Variants in ZNF804B observed in about 807,000 individuals in gnomAD.
The protein encoded by ZNF804B is zinc finger 804B.
In ZNF804B, 80 loss-of-function variants were observed where a neutral mutation model predicts 101.4. That is an observed-to-expected ratio of 0.79 (90% CI 0.66 to 0.95). ZNF804B has a LOEUF of 0.95. Ranked by LOEUF, ZNF804B falls within the 40% of genes least tolerant of loss-of-function variation. ZNF804B has a pLI of 0.00. For synonymous variants in ZNF804B, 622 were observed against 558.8 expected, an observed-to-expected ratio of 1.11 and a Z score of -1.59; for missense variants, 1,673 against 1,561.9, an observed-to-expected ratio of 1.07 and a Z score of -1.20.
intron 1 of ZNF804B, among the ~76,000 whole-genome samples, chr7:88,972,276 T>G (rs1194553066): frequency 4.6e-5 from 7 of 151,616 alleles, no homozygotes; most frequent in Non-Finnish European, 1.0e-4. Flanking sequence ...TCTACTCTTT[T>G]AAACTGTTTC....
At chr7:88,897,798 G>C (rs1466388071) in intron 1 of ZNF804B, among the ~76,000 whole-genome samples, 1 of 151,816 alleles carries the variant, frequency 6.6e-6, no homozygotes, top group Non-Finnish European at 1.5e-5. Flanking sequence ...GAGTTAAGCT[G>C]TCTCTATTGG....
At chr7:88,919,107 A>G (rs953654436) in intron 1 of ZNF804B, among the ~76,000 whole-genome samples, 3 of 152,078 alleles carry the variant, frequency 2.0e-5, no homozygotes, top group African/African-American at 7.2e-5. Flanking sequence ...TTAAAGCTAT[A>G]TGTTTAGATA....
At chr7:89,295,094 C>T (rs1012590840) in intron 2 of ZNF804B, among the ~76,000 whole-genome samples, 1 of 152,088 alleles carries the variant, frequency 6.6e-6, no homozygotes, top group Non-Finnish European at 1.5e-5. Flanking sequence ...GTTCAATATA[C>T]CTTTCCTGCC....
chr7:89,182,074 A>T (rs1330073964), intron 1 of ZNF804B, among the ~76,000 whole-genome samples: 1 of 152,208 alleles, frequency 6.6e-6, no homozygotes, highest in Non-Finnish European at 1.5e-5. Flanking sequence ...ATGACATTTA[A>T]TTCAAACAGT....
At chr7:89,186,047 T>C (rs1788370904) in intron 1 of ZNF804B, among the ~76,000 whole-genome samples, 1 of 152,110 alleles carries the variant, frequency 6.6e-6, no homozygotes, top group Admixed American at 6.6e-5. Context: ...TTGAAGTTGA[T>C]ACTTATATAG....
chr7:88,850,435 A>G (rs1049687244), intron 1 of ZNF804B, among the ~76,000 whole-genome samples: 1 of 152,144 alleles, frequency 6.6e-6, no homozygotes, highest in African/African-American at 2.4e-5. Context: ...TAGAGTTCTG[A>G]TCAGTGCGTG....
chr7:89,231,000 A>C (rs1789184182), intron 2 of ZNF804B, among the ~76,000 whole-genome samples: 1 of 152,070 alleles, frequency 6.6e-6, no homozygotes, highest in Non-Finnish European at 1.5e-5. Flanking sequence ...CAAATCCTTT[A>C]TGAGATACAA....
chr7:89,291,441 AT>A (rs1790290711), intron 2 of ZNF804B, among the ~76,000 whole-genome samples: 1 of 152,120 alleles, frequency 6.6e-6, no homozygotes, highest in Admixed American at 6.5e-5. Flanking sequence ...TGAAATAATT[AT>A]AAAGAATTAA....
intron 2 of ZNF804B, among the ~76,000 whole-genome samples, chr7:89,239,024 C>G (rs1256079656): frequency 6.6e-6 from 1 of 152,144 alleles, no homozygotes; most frequent in Non-Finnish European, 1.5e-5. Context: ...CACCATAAAT[C>G]TAATCACTTC....
intron 1 of ZNF804B, among the ~76,000 whole-genome samples, chr7:89,088,432 A>G (rs892863344): frequency 3.3e-5 from 5 of 151,788 alleles, no homozygotes; most frequent in Non-Finnish European, 5.9e-5. Context: ...CTTATTTGTG[A>G]CATGCTTTTT....
intron 1 of ZNF804B, among the ~76,000 whole-genome samples, chr7:88,865,062 C>G (rs1349381376): frequency 1.3e-5 from 2 of 151,794 alleles, no homozygotes; most frequent in African/African-American, 4.8e-5. Context: ...AACCCCGTCT[C>G]TACTAAAAAT....
chr7:88,989,038 A>ATTG (rs1164193590), intron 1 of ZNF804B, among the ~76,000 whole-genome samples: 7 of 152,012 alleles, frequency 4.6e-5, no homozygotes, highest in Admixed American at 2.0e-4. Context: ...TATTATTATT[A>ATTG]TTTGAGACGG....
intron 1 of ZNF804B, among the ~76,000 whole-genome samples, chr7:89,215,174 C>T (rs1169430729): frequency 6.6e-6 from 1 of 152,070 alleles, no homozygotes. Context: ...TGCATAATTT[C>T]CTGGCAAGAA....
intron 2 of ZNF804B, among the ~76,000 whole-genome samples, chr7:89,249,415 A>T (rs1789506516): frequency 6.6e-6 from 1 of 152,202 alleles, no homozygotes; most frequent in Admixed American, 6.5e-5. Context: ...TCAAAAAATC[A>T]AAATCATACC....
At chr7:89,262,707 C>A (rs777319710) in intron 2 of ZNF804B, among the ~76,000 whole-genome samples, 54 of 152,034 alleles carry the variant, frequency 3.6e-4, no homozygotes, top group Non-Finnish European at 7.4e-4. Flanking sequence ...GCTGTGTCCA[C>A]CTTTCTTTTT....
chr7:89,196,432 A>T (rs559087808), intron 1 of ZNF804B, among the ~76,000 whole-genome samples: 2 of 152,292 alleles, frequency 1.3e-5, no homozygotes, highest in South Asian at 2.1e-4. Context: ...CATATGCAGA[A>T]AATTGTATCT....
chr7:89,326,671 TCTTA>T (rs1790901204), intron 2 of ZNF804B, among the ~76,000 whole-genome samples: 1 of 152,028 alleles, frequency 6.6e-6, no homozygotes, highest in Non-Finnish European at 1.5e-5. Flanking sequence ...TAAGAAGAGG[TCTTA>T]CTTGCATGTA....
intron 1 of ZNF804B, among the ~76,000 whole-genome samples, chr7:89,022,685 TTAAA>T (rs1382323396): frequency 6.6e-6 from 1 of 152,204 alleles, no homozygotes; most frequent in Non-Finnish European, 1.5e-5. Context: ...TTCCTAATTC[TTAAA>T]TAAGAGCAAG....
At chr7:88,889,341 A>G (rs1049809307) in intron 1 of ZNF804B, among the ~76,000 whole-genome samples, 5 of 152,114 alleles carry the variant, frequency 3.3e-5, no homozygotes, top group African/African-American at 9.6e-5. Context: ...AAGGAACTCT[A>G]TTTTGAGTTA....
Sources: gnomAD v4.1 joint callset for allele counts (sites outside exome capture counted in the v4.1 genomes callset) on GRCh38, gnomAD v4.1.1 for gene constraint, MANE v1.5 for transcripts, NCBI Gene and HGNC (gene_info 2026-07-23, HGNC 2026-07-21) for gene names.